AGMO: variants seen among roughly 807,000 people sequenced by gnomAD.
AGMO encodes glyceryl-ether monooxygenase.
Under a neutral mutation model 60.2 loss-of-function variants are expected in AGMO, and 75 were observed. The observed-to-expected ratio is 1.25, with a 90% CI of 1.03 to 1.51. The LOEUF (loss-of-function observed/expected upper bound fraction) is 1.51, where lower values mean the gene tolerates loss of function less well. Among genes scored for constraint, AGMO ranks in the 40% most tolerant of loss-of-function variants. The pLI, the probability that AGMO is intolerant of heterozygous loss-of-function variation, is 0.00. For synonymous variants in AGMO, 261 were observed against 177.1 expected (o/e 1.47, Z -3.76); for missense variants, 763 against 525.5 (o/e 1.45, Z -4.42).
At chr7:15,119,157 C>A in the AGMO span, among the ~76,000 whole-genome samples, 1 of 151,740 alleles carries the variant, frequency 6.6e-6, no homozygotes, top group Non-Finnish European at 1.5e-5. Flanking sequence ...CCACCCAAAT[C>A]TCATGTTGAA....
At chr7:15,239,341 A>G (rs1057169398) in intron 12 of AGMO, among the ~76,000 whole-genome samples, 14 of 152,170 alleles carry the variant, frequency 9.2e-5, no homozygotes, top group African/African-American at 3.4e-4. Context: ...GTGTCTGCTA[A>G]TGAGTTCCAT....
chr7:15,273,360 C>T (rs1280062499), intron 12 of AGMO, among the ~76,000 whole-genome samples: 1 of 152,158 alleles, frequency 6.6e-6, no homozygotes, highest in Non-Finnish European at 1.5e-5. Context: ...AGTCAGTTTT[C>T]CCAGCACCAT....
chr7:15,187,359 C>A, the AGMO span, among the ~76,000 whole-genome samples: 1 of 152,148 alleles, frequency 6.6e-6, no homozygotes, highest in Non-Finnish European at 1.5e-5. Context: ...AAAAACAGGA[C>A]TCATAGATAA....
intron 5 of AGMO, chr7:15,396,089 G>T (rs373507713): frequency 6.6e-6 from 1 of 152,228 alleles, no homozygotes; most frequent in Admixed American, 6.5e-5. Context: ...CAGCTGCTAA[G>T]GGATTTCCAC....
At chr7:15,489,109 T>C (rs1266069775) in intron 3 of AGMO, among the ~76,000 whole-genome samples, 1 of 152,176 alleles carries the variant, frequency 6.6e-6, no homozygotes, top group Non-Finnish European at 1.5e-5. Flanking sequence ...AACTCTTAGC[T>C]TTTAATGATT....
chr7:15,467,148 G>C (rs1458765300), intron 3 of AGMO, among the ~76,000 whole-genome samples: 1 of 152,040 alleles, frequency 6.6e-6, no homozygotes, highest in Non-Finnish European at 1.5e-5. Context: ...TAGTCTCTGG[G>C]GATTTTATAT....
chr7:15,394,239 T>C lies in AGMO; in HGVS notation c.610-60A>G, dbSNP rs976279968. 2.5e-6 allele frequency: 3 copies of C among 1,211,878 alleles called. No homozygotes were observed. The African/African-American group carries it at 4.6e-5, about 18-fold the overall frequency. The allele number at this position is 1,211,878 out of a possible 1,614,324, so 75.1% of individuals were successfully genotyped here. A position where few individuals can be genotyped will look rare whatever the true frequency, so the allele number is the denominator to read the frequency against. On this transcript the variant is annotated intron_variant, in intron 5 of 12. Coordinates refer to ENST00000342526, the MANE Select transcript of AGMO (RefSeq NM_001004320.2). The stretch of plus-strand genomic sequence containing the variant: ...TTATCATTAAATGTGTGTTAGTATA[T>C]AAATGCTCACATTAGAAACTCACAT...
intron 12 of AGMO, among the ~76,000 whole-genome samples, chr7:15,250,917 C>G (rs1289159763): frequency 6.6e-6 from 1 of 151,660 alleles, no homozygotes; most frequent in African/African-American, 2.4e-5. Context: ...TGCACTCCAG[C>G]CTAGGCAATA....
intron 2 of AGMO, among the ~76,000 whole-genome samples, chr7:15,555,989 C>A (rs1030281096): frequency 6.6e-6 from 1 of 151,734 alleles, no homozygotes; most frequent in East Asian, 1.9e-4. Flanking sequence ...CTATTATTAA[C>A]GTTACACAGA....
chr7:15,275,401 G>A (rs1783752718), intron 12 of AGMO, among the ~76,000 whole-genome samples: 1 of 152,038 alleles, frequency 6.6e-6, no homozygotes, highest in Non-Finnish European at 1.5e-5. Context: ...GGTATAAAAA[G>A]ACATTTGATA....
At chr7:15,198,207 G>GACAGAGAGAGAGAGAGAGAGAGAGAGAC (rs1175086667), downstream of AGMO, among the ~76,000 whole-genome samples, 1 of 67,382 alleles carries the variant, frequency 1.5e-5, no homozygotes, top group African/African-American at 9.9e-5. Flanking sequence ...GAGAGAGAGA[G>GACAGAGAGAGAGAGAGAGAGAGAGAGAC]AGAGAGAGAG....
At chr7:15,248,179 C>CATATATATAGAT (rs1782807531) in intron 12 of AGMO, among the ~76,000 whole-genome samples, 1 of 32,624 alleles carries the variant, frequency 3.1e-5, no homozygotes, top group Non-Finnish European at 9.9e-5. Context: ...GATCCAGCAC[C>CATATATATAGAT]ATATATATAT....
At chr7:15,507,572 T>C (rs77105027) in intron 3 of AGMO, among the ~76,000 whole-genome samples, 48 of 152,264 alleles carry the variant, frequency 3.2e-4, no homozygotes, top group African/African-American at 1.1e-3. Flanking sequence ...ATGGAACTTA[T>C]GGTTTAAAAT....
chr7:15,211,418 G>A (rs377296422), intron 12 of AGMO, among the ~76,000 whole-genome samples: 6 of 151,790 alleles, frequency 4.0e-5, no homozygotes, highest in Non-Finnish European at 7.4e-5. Flanking sequence ...TTAAAGCTGC[G>A]GCTATATGAT....
chr7:15,332,323 G>A (rs1033617127), intron 12 of AGMO, among the ~76,000 whole-genome samples: 1 of 152,058 alleles, frequency 6.6e-6, no homozygotes, highest in African/African-American at 2.4e-5. Context: ...GTACAGCATA[G>A]ACACTAAATT....
chr7:15,400,813 G>A (rs1270280673), intron 5 of AGMO, among the ~76,000 whole-genome samples: 1 of 152,184 alleles, frequency 6.6e-6, no homozygotes, highest in Non-Finnish European at 1.5e-5. Context: ...TCATTGGCAA[G>A]TGAATACCAT....
chr7:15,430,456 A>G (rs573948712), intron 4 of AGMO, among the ~76,000 whole-genome samples: 1 of 151,898 alleles, frequency 6.6e-6, no homozygotes, highest in South Asian at 2.1e-4. Flanking sequence ...CTCTACAAGT[A>G]GAGGCTATTT....
chr7:15,385,167 T>A (rs7805764), intron 10 of AGMO, among the ~76,000 whole-genome samples: 19,585 of 152,220 alleles, frequency 0.13, 3,159 homozygotes, highest in African/African-American at 0.38. Flanking sequence ...TGTAATTGTT[T>A]TAAAATTTGT....
At chr7:15,528,993 A>G (rs1478569794) in intron 3 of AGMO, among the ~76,000 whole-genome samples, 1 of 152,096 alleles carries the variant, frequency 6.6e-6, no homozygotes, top group African/African-American at 2.4e-5. Context: ...TGTAAATTGC[A>G]TAAGAAAGTG....
Sources: gnomAD v4.1 joint callset for allele counts (sites outside exome capture counted in the v4.1 genomes callset) on GRCh38, gnomAD v4.1.1 for gene constraint, MANE v1.5 for transcripts, NCBI Gene and HGNC (gene_info 2026-07-23, HGNC 2026-07-21) for gene names.